Variants in KIF1B observed in about 807,000 individuals in gnomAD.
KIF1B encodes kinesin family member 1B.
Under a neutral mutation model 241.9 loss-of-function variants are expected in KIF1B, and 76 were observed. The observed-to-expected ratio is 0.31, with a 90% CI of 0.26 to 0.38. The LOEUF (loss-of-function observed/expected upper bound fraction) is 0.38. KIF1B is among the 10% of genes least tolerant of loss of function. The pLI is 1.00. For missense variants in KIF1B, 1,622 were observed against 2,271.4 expected (o/e 0.71, Z 5.81); for synonymous variants, 750 against 796.7 (o/e 0.94, Z 0.99).
chr1:10,370,334 G>T (rs1297683649), intron 44 of KIF1B, among the ~76,000 whole-genome samples: 1 of 152,066 alleles, frequency 6.6e-6, no homozygotes, highest in African/African-American at 2.4e-5. Context: ...GGTCAAGGTC[G>T]ATGGATCTCT....
In KIF1B at chr1:10,300,459, CTTGAG is replaced by C. The variant is rs199950812; in HGVS notation, c.2115+3221_2115+3225del. ...AGAAAATGACAGCTGCTAGATTTTACTTGAGTTGAGTTCTTTTGGATTTATATAGA... is the reference window on the plus strand; with the variant it reads ...AGAAAATGACAGCTGCTAGATTTTACTTGAGTTCTTTTGGATTTATATAGA... On this transcript the variant is annotated intron_variant, in intron 22 of 48. Transcript: ENST00000676179. 4.1e-3 allele frequency among the ~76,000 whole-genome samples: 622 copies of C among 151,768 alleles called. 6 individuals carry two copies. The highest frequency in any genetic ancestry group is 0.014 in the African/African-American group (583 of 41,454).
At chr1:10,272,558 T>G (rs1648858439) in intron 9 of KIF1B, 1 of 555,590 alleles carries the variant, frequency 1.8e-6, no homozygotes, top group South Asian at 1.8e-5. Flanking sequence ...AAGGTTTGAC[T>G]CATTTTTTTG....
At chr1:10,212,940 A>C (rs982514423) in intron 1 of KIF1B, among the ~76,000 whole-genome samples, 1 of 146,568 alleles carries the variant, frequency 6.8e-6, no homozygotes, top group Non-Finnish European at 1.5e-5. Context: ...ATACACACAC[A>C]CATTTAAAAA....
chr1:10,256,146 T>C, intron 2 of KIF1B, 101 bp from the exon 3 acceptor site: 2 of 786,032 alleles, frequency 2.5e-6, no homozygotes, highest in Non-Finnish European at 4.5e-6. Context: ...TTTAGTGGTA[T>C]GAATTTACTG....
intron 1 of KIF1B, among the ~76,000 whole-genome samples, chr1:10,231,804 C>T (rs1646987192): frequency 6.6e-6 from 1 of 151,942 alleles, no homozygotes; most frequent in African/African-American, 2.4e-5. Flanking sequence ...AAGATCGATC[C>T]AGAAACACAC....
chr1:10,260,525 T>A (rs534708530), intron 4 of KIF1B, among the ~76,000 whole-genome samples: 1 of 152,228 alleles, frequency 6.6e-6, no homozygotes, highest in Non-Finnish European at 1.5e-5. Context: ...TTATAAACTT[T>A]AAAATTTTTT....
At position 10,370,787 on chromosome 1, in the gene KIF1B, G is replaced by C. The variant is rs780254281; in HGVS notation, c.4825-354G>C. On this transcript the variant is annotated intron_variant, in intron 44 of 48. Transcript: ENST00000676179. ...TAGGCCGTAAAATATTTGTAGGCTTGTTTTTTTTCTTTTTTGAAAATATTT... is the reference window on the plus strand; with the variant it reads ...TAGGCCGTAAAATATTTGTAGGCTTCTTTTTTTTCTTTTTTGAAAATATTT... Among the ~76,000 whole-genome samples, 10 of 151,490 alleles carry C rather than the reference G, an allele frequency of 6.6e-5. No individual in the cohort carries two copies. The Middle Eastern group carries it at 0.01, about 155-fold the overall frequency.
intron 43 of KIF1B, among the ~76,000 whole-genome samples, chr1:10,366,936 A>G (rs924824883): frequency 6.6e-5 from 10 of 151,772 alleles, no homozygotes; most frequent in Admixed American, 5.9e-4. Context: ...GCGCCACTGC[A>G]CTCCAGCCTG....
At chr1:10,232,526 G>A (rs1270837706) in intron 2 of KIF1B, 92 bp downstream of exon 2, 2 of 884,858 alleles carry the variant, frequency 2.3e-6, no homozygotes, top group South Asian at 1.4e-5. Context: ...ATGAACATCT[G>A]TATGTTAACA....
intron 24 of KIF1B, among the ~76,000 whole-genome samples, chr1:10,322,680 C>T (rs746303555): frequency 3.9e-4 from 60 of 152,168 alleles, no homozygotes; most frequent in South Asian, 6.2e-4. Context: ...TTAGGGAATA[C>T]GATATGTTCT....
chr1:10,304,332 G>T, intron 22 of KIF1B: 1 of 1,614,188 alleles, frequency 6.2e-7, no homozygotes, highest in South Asian at 1.1e-5. Flanking sequence ...AACTACGTTG[G>T]AGAAGCAATT....
intron 1 of KIF1B, among the ~76,000 whole-genome samples, chr1:10,224,987 G>A (rs1455759917): frequency 6.6e-6 from 1 of 152,136 alleles, no homozygotes; most frequent in Non-Finnish European, 1.5e-5. Flanking sequence ...GTGCAACCTA[G>A]ATCCCTTGCA....
intron 2 of KIF1B, among the ~76,000 whole-genome samples, chr1:10,255,945 A>C (rs931750585): frequency 6.7e-6 from 1 of 149,146 alleles, no homozygotes; most frequent in Non-Finnish European, 1.5e-5. Flanking sequence ...ATGTGCCACC[A>C]TGCCCAGCTA....
rs1264239591 is a variant in KIF1B at position 10,365,946 on chromosome 1, T to A, written c.4752+298T>A. 6.6e-6 allele frequency among the ~76,000 whole-genome samples: 1 copy of A among 152,062 alleles called. No homozygotes were observed. The highest frequency in any genetic ancestry group is 6.6e-5 in the Admixed American group (1 of 15,258). ...GACCTTGTCTCTACAAAAACAAAAA[T>A]TAGGCCAGGCATGGTGGCTCACACC... On this transcript the variant is annotated intron_variant, in intron 43 of 48. Coordinates refer to ENST00000676179, the MANE Select transcript of KIF1B (RefSeq NM_001365951.3). This position sits in a 1 kb window ranked among gnomAD's most constrained non-coding sequence, Gnocchi z 4.0.
In KIF1B at chr1:10,334,478, C is replaced by G. The variant is rs2276100; in HGVS notation, c.2925-42C>G. ...TGAATCTGAAAGCCAGTTTATCTCTCCATGGATGTTCTGACATTTGTCTCC... is the reference window on the plus strand; with the variant it reads ...TGAATCTGAAAGCCAGTTTATCTCTGCATGGATGTTCTGACATTTGTCTCC... On this transcript the variant is annotated intron_variant, in intron 27 of 48. Transcript: ENST00000676179. 0.32 allele frequency: 460,351 copies of G among 1,418,250 alleles called. 75,575 individuals carry two copies. Among genetic ancestry groups the G allele is most frequent in the Admixed American group, 0.38 (22,462 of 59,654 alleles). 87.9% of individuals were successfully genotyped at this position (1,418,250 alleles called of 1,614,324 possible). A position where few individuals can be genotyped will look rare whatever the true frequency, so the allele number is the denominator to read the frequency against.
intron 22 of KIF1B, among the ~76,000 whole-genome samples, chr1:10,302,489 A>G (rs1650590996): frequency 6.6e-6 from 1 of 152,198 alleles, no homozygotes; most frequent in Non-Finnish European, 1.5e-5. Flanking sequence ...GCTCATAGGG[A>G]TTCTTAGCAT....
chr1:10,263,624 A>G (rs191231692), intron 5 of KIF1B, among the ~76,000 whole-genome samples: 61 of 152,328 alleles, frequency 4.0e-4, no homozygotes, highest in African/African-American at 1.4e-3. Flanking sequence ...TGTGACTGTC[A>G]TACACCAAAA....
intron 1 of KIF1B, among the ~76,000 whole-genome samples, chr1:10,226,735 G>A (rs1446597095): frequency 6.6e-6 from 1 of 152,152 alleles, no homozygotes; most frequent in Non-Finnish European, 1.5e-5. Context: ...CGAAGGCTGA[G>A]GCTGGAAGAT....
intron 43 of KIF1B, among the ~76,000 whole-genome samples, chr1:10,367,962 C>T (rs928476700): frequency 1.1e-4 from 16 of 151,642 alleles, no homozygotes; most frequent in African/African-American, 3.2e-4. Flanking sequence ...CTCCTGACCT[C>T]GTGATCCACC....
Sources: allele counts gnomAD v4.1 joint callset (sites outside exome capture counted in the v4.1 genomes callset), GRCh38; gene constraint gnomAD v4.1.1; non-coding constraint Gnocchi (gnomAD v3.1); transcripts MANE v1.5; gene names NCBI Gene and HGNC (gene_info 2026-07-23, HGNC 2026-07-21).